SELENOS: variants seen among roughly 807,000 people sequenced by gnomAD.
The protein encoded by SELENOS is VCP interacting membrane selenoprotein.
A neutral mutation model predicts 30.2 loss-of-function variants in SELENOS; 37 were observed. The observed-to-expected ratio is 1.23, with a 90% CI of 0.94 to 1.61. The LOEUF is 1.61. Ranked by LOEUF, SELENOS falls within the 40% of genes most tolerant of loss-of-function variation. The pLI is 0.00. For missense variants in SELENOS, 289 were observed against 231.8 expected (o/e 1.25, Z -1.60); for synonymous variants, 119 against 91.6 (o/e 1.30, Z -1.71).
Position 101,277,464 on chromosome 15 carries a change from C to T in SELENOS, c.-47G>A. ...CCAGCCCTGCCGCCGCGCCTCCAGC[C>T]GGGCGCTTCCGGTGCGCTCCTACGC... On this transcript the variant is annotated 5_prime_UTR_variant, in exon 1 of 6. Transcript: ENST00000526049. 7.1e-7 allele frequency: 1 copy of T among 1,400,602 alleles called. No individual in the cohort carries two copies. Among genetic ancestry groups the T allele is most frequent in the South Asian group, 1.6e-5 (1 of 64,048 alleles). 86.8% of individuals were successfully genotyped at this position (1,400,602 alleles called of 1,614,324 possible).
intron 1 of SELENOS, 59 bp from the exon 2 acceptor site, chr15:101,276,734 T>A (rs918921142): frequency 1.9e-6 from 3 of 1,564,960 alleles, no homozygotes; most frequent in Non-Finnish European, 2.6e-6. Flanking sequence ...GACCTTTCCA[T>A]AAGACTCAAC....
intron 2 of SELENOS, 112 bp downstream of exon 2, chr15:101,276,427 TTA>T: frequency 3.7e-6 from 5 of 1,334,960 alleles, no homozygotes; most frequent in Non-Finnish European, 4.9e-6. Flanking sequence ...TTTTTTTTTT[TTA>T]AATAGAGACA....
rs1467490749 is a variant in SELENOS, at chr15:101,277,309, C to T, written c.76+33G>A. The stretch of plus-strand genomic sequence containing the variant: ...TCATGGCTGCGCGTCGCAAAAGTGG[C>T]GGCGCGCGCCCGGCTGCCCCGCAAC... On this transcript the variant is annotated intron_variant, in intron 1 of 5. Transcript: ENST00000526049. The T allele has an allele frequency of 4.7e-6, 7 of 1,502,442 alleles. No individual in the cohort carries two copies. The South Asian group carries it at 6.3e-5, about 14-fold the overall frequency. 93.1% of individuals were successfully genotyped at this position (1,502,442 alleles called of 1,614,324 possible). A position where few individuals can be genotyped will look rare whatever the true frequency, so the allele number is the denominator to read the frequency against.
Position 101,274,513 on chromosome 15 carries a change from G to A in SELENOS, c.409-18C>T. ...TCTTCCTCCTGTTTGAACACACACA[G>A]TAGTGTAAGAAGCAATTAAAACATT... On this transcript the variant is annotated intron_variant, in intron 4 of 5. Transcript: ENST00000526049. 1 of 1,607,302 alleles carries A rather than the reference G, an allele frequency of 6.2e-7. No homozygotes were observed. The highest frequency in any genetic ancestry group is 8.5e-7 in the Non-Finnish European group (1 of 1,176,450).
At chr15:101,275,065 G>A (rs897331942) in intron 3 of SELENOS, 190 bp downstream of exon 3, 3 of 586,958 alleles carry the variant, frequency 5.1e-6, no homozygotes, top group Non-Finnish European at 8.8e-6. Flanking sequence ...CACACATCTA[G>A]TGTTCCCTAA....
At chr15:101,271,771 A>G (rs1484173848), downstream of SELENOS, 5 of 152,204 alleles carry the variant, frequency 3.3e-5, no homozygotes, top group Admixed American at 6.5e-5. Flanking sequence ...GGGTCCACAC[A>G]CTACAGCATT....
intron 2 of SELENOS, 81 bp from the exon 3 acceptor site, chr15:101,275,442 G>A: frequency 9.0e-7 from 1 of 1,107,522 alleles, no homozygotes; most frequent in Non-Finnish European, 1.3e-6. Flanking sequence ...ATTATTAAAA[G>A]TATAAAGAGG....
intron 2 of SELENOS, 186 bp downstream of exon 2, chr15:101,276,355 T>A: frequency 1.5e-6 from 1 of 656,444 alleles, no homozygotes; most frequent in African/African-American, 1.9e-5. Flanking sequence ...CTCAAGTGAT[T>A]ATCCCGCCTC....
At chr15:101,276,242 C>CTT (rs34035984) in intron 2 of SELENOS, among the ~76,000 whole-genome samples, 25 of 122,472 alleles carry the variant, frequency 2.0e-4, no homozygotes, top group East Asian at 9.4e-4. Context: ...ATACTTCCTA[C>CTT]TTTTTTTTTT....
chr15:101,275,859 T>C (rs1041472213), intron 2 of SELENOS, among the ~76,000 whole-genome samples: 2 of 151,182 alleles, frequency 1.3e-5, no homozygotes, highest in Non-Finnish European at 2.9e-5. Flanking sequence ...CTCATTTCTA[T>C]TCATAACGTC....
intron 2 of SELENOS, among the ~76,000 whole-genome samples, chr15:101,275,652 G>C (rs1596465973): frequency 2.0e-5 from 3 of 152,180 alleles, no homozygotes; most frequent in African/African-American, 7.2e-5. Flanking sequence ...GCCTGGGATA[G>C]TGGCCACACA....
In SELENOS at chr15:101,277,019, AGTGT is replaced by A. The variant is rs1410247440; in HGVS notation, c.76+319_76+322del. On this transcript the variant is annotated intron_variant, in intron 1 of 5. Transcript: ENST00000526049. ...AGGGGTGACAGCGCGGGGAGTCAGG[AGTGT>A]GTATGGGGCTGTGTGGGACGGGTCC... The A allele has an allele frequency of 7.3e-6, 4 of 550,632 alleles. No homozygotes were observed. In the East Asian group the frequency reaches 1.3e-4, roughly 18 times the overall value. 34.1% of individuals were successfully genotyped at this position (550,632 alleles called of 1,614,324 possible). A position where few individuals can be genotyped will look rare whatever the true frequency, so the allele number is the denominator to read the frequency against.
At chr15:101,276,408 C>G (rs1419624009) in intron 2 of SELENOS, 133 bp downstream of exon 2, 5 of 1,211,206 alleles carry the variant, frequency 4.1e-6, no homozygotes, top group Non-Finnish European at 5.5e-6. Context: ...GCCGCCACTC[C>G]CGGCTATTTT....
rs74782847 is a variant in SELENOS at position 101,274,979 on chromosome 15, GCA to G, written c.318+274_318+275del. 2,895 of 557,920 alleles carry G rather than the reference GCA, an allele frequency of 5.2e-3. 119 individuals carry two copies. The East Asian group carries it at 0.077, about 15-fold the overall frequency. The allele number at this position is 557,920 out of a possible 1,614,324, so 34.6% of individuals were successfully genotyped here. A position where few individuals can be genotyped will look rare whatever the true frequency, so the allele number is the denominator to read the frequency against. On this transcript the variant is annotated intron_variant, in intron 3 of 5. Transcript: ENST00000526049. ...GGTAATGGGGAAGACACAGGCACAT[GCA>G]CACACACACTCACATGCTCCCTGCT...
At chr15:101,273,008 GAA>G (rs35124753) in intron 5 of SELENOS, among the ~76,000 whole-genome samples, 152 bp from the exon 6 acceptor site, 1 of 140,148 alleles carries the variant, frequency 7.1e-6, no homozygotes. Context: ...TTAGCTATGT[GAA>G]AAAAAAAAAA....
chr15:101,277,190 GC>G (rs1245256078), intron 1 of SELENOS, 151 bp downstream of exon 1: 1 of 1,304,782 alleles, frequency 7.7e-7, no homozygotes, highest in Non-Finnish European at 1.1e-6. Context: ...CAAGGTCCGG[GC>G]CTGCTGCCCA....
intron 5 of SELENOS, among the ~76,000 whole-genome samples, chr15:101,273,798 C>T (rs1258222323): frequency 6.6e-6 from 1 of 152,220 alleles, no homozygotes; most frequent in Non-Finnish European, 1.5e-5. Flanking sequence ...CCATCAGGGC[C>T]TCTGCGGTGC....
chr15:101,275,296 GTTC>G lies in SELENOS; in HGVS notation c.274_276del (p.Glu92del), dbSNP rs756074715. The G allele has an allele frequency of 1.8e-5, 28 of 1,579,362 alleles. No individual in the cohort carries two copies. The highest frequency in any genetic ancestry group is 1.2e-4 in the South Asian group (10 of 85,578). ...TTATGCTTTTCAACTTGCGCATTTA[GTTC>G]TTCTTGCATTTTCAGTCGAGCAGCT... On this transcript the variant is annotated inframe_deletion, in exon 3 of 6. Coordinates refer to ENST00000526049, the MANE Select transcript of SELENOS (RefSeq NM_018445.6).
chr15:101,272,745 T>C lies in SELENOS; in HGVS notation c.*26A>G. ...GAGGGTTAAGGGTTCATCTTGCTAA[T>C]GTCAAAAGTGACACTAACAAGATTC... On this transcript the variant is annotated 3_prime_UTR_variant, in exon 6 of 6. Transcript: ENST00000526049. 1.9e-6 allele frequency: 3 copies of C among 1,588,462 alleles called. No homozygotes were observed. The highest frequency in any genetic ancestry group is 2.6e-6 in the Non-Finnish European group (3 of 1,166,894).
Sources: allele counts gnomAD v4.1 joint callset (sites outside exome capture counted in the v4.1 genomes callset), GRCh38; gene constraint gnomAD v4.1.1; transcripts MANE v1.5; gene names NCBI Gene and HGNC (gene_info 2026-07-23, HGNC 2026-07-21).